The following RNF13 variants were observed in gnomAD, a reference collection of about 807,000 sequenced individuals.
RNF13 encodes the protein E3 ubiquitin-protein ligase RNF13.
RNF13 carries 19 observed loss-of-function variants against 37.7 expected under a neutral mutation model. The ratio of observed to expected loss-of-function variants is 0.50; its 90% CI spans 0.35 to 0.74. RNF13 has a LOEUF of 0.74. Ranked by LOEUF, RNF13 falls within the 30% of genes least tolerant of loss-of-function variation. The pLI is 0.01. For missense variants in RNF13, 375 were observed against 453.0 expected (o/e 0.83, Z 1.56); for synonymous variants, 144 against 157.8 (o/e 0.91, Z 0.65).
intron 3 of RNF13, among the ~76,000 whole-genome samples, chr3:149,865,177 T>TA (rs998524182): frequency 5.4e-5 from 8 of 149,410 alleles, no homozygotes; most frequent in Admixed American, 1.3e-4. Flanking sequence ...ATCTAAGAAA[T>TA]AAAAAAAAAT....
intron 5 of RNF13, among the ~76,000 whole-genome samples, chr3:149,901,033 T>A (rs1361152765): frequency 6.6e-6 from 1 of 152,170 alleles, no homozygotes; most frequent in African/African-American, 2.4e-5. Flanking sequence ...AGGGGTTGAC[T>A]GTATGAGGGA....
chr3:149,924,239 G>A (rs1296742745), intron 8 of RNF13, among the ~76,000 whole-genome samples: 1 of 152,116 alleles, frequency 6.6e-6, no homozygotes, highest in Non-Finnish European at 1.5e-5. Context: ...GCAGGTTTTA[G>A]GAGGGAAATT....
At chr3:149,892,467 A>G (rs1714811369) in intron 4 of RNF13, among the ~76,000 whole-genome samples, 1 of 152,172 alleles carries the variant, frequency 6.6e-6, no homozygotes, top group Non-Finnish European at 1.5e-5. Context: ...ACAACCGCAG[A>G]TTTAAGGACC....
chr3:149,821,244 C>T (rs545971862), intron 1 of RNF13, among the ~76,000 whole-genome samples: 1 of 152,300 alleles, frequency 6.6e-6, no homozygotes, highest in East Asian at 1.9e-4. Context: ...TGCCAAACTG[C>T]TTTCCACAGT....
intron 8 of RNF13, among the ~76,000 whole-genome samples, chr3:149,950,958 G>A (rs895543397): frequency 8.5e-5 from 13 of 152,146 alleles, no homozygotes; most frequent in Admixed American, 2.0e-4. Context: ...AGGTCAGTTA[G>A]ATTCTAAAAC....
At chr3:149,831,785 T>A (rs1721082895) in intron 1 of RNF13, among the ~76,000 whole-genome samples, 1 of 152,168 alleles carries the variant, frequency 6.6e-6, no homozygotes, top group Non-Finnish European at 1.5e-5. Context: ...AATGGACTAA[T>A]ACAGTATGTG....
chr3:149,831,247 A>T lies in RNF13; in HGVS notation c.-16-14764A>T, dbSNP rs117741290. On this transcript the variant is annotated intron_variant, in intron 1 of 9. Transcript: ENST00000392894. ...TGTTCTCCAGACTCCAGAATGGTAG[A>T]TCCACCAATGGCTTGCACCACATGC... Among the ~76,000 whole-genome samples the T allele has an allele frequency of 2.8e-4, 42 of 152,304 alleles. No individual in the cohort carries two copies. The East Asian group carries it at 7.5e-3, about 27-fold the overall frequency.
At chr3:149,877,552 TCATTA>T (rs1712891429) in intron 4 of RNF13, among the ~76,000 whole-genome samples, 1 of 151,256 alleles carries the variant, frequency 6.6e-6, no homozygotes. Context: ...GACTTACCTT[TCATTA>T]CATTATCCCC....
intron 8 of RNF13, among the ~76,000 whole-genome samples, chr3:149,946,261 A>C (rs1385285826): frequency 1.3e-5 from 2 of 152,228 alleles, no homozygotes; most frequent in African/African-American, 4.8e-5. Context: ...TGAGAACTAC[A>C]TGACAGATGC....
chr3:149,952,101 A>G (rs904636842), intron 8 of RNF13, among the ~76,000 whole-genome samples: 3 of 152,242 alleles, frequency 2.0e-5, no homozygotes, highest in Middle Eastern at 3.2e-3. Context: ...TAATTTGCTG[A>G]AAGTTCAAGT....
chr3:149,816,427 T>A (rs1719458371), intron 1 of RNF13, among the ~76,000 whole-genome samples: 1 of 152,178 alleles, frequency 6.6e-6, no homozygotes, highest in African/African-American at 2.4e-5. Context: ...CTCAATTTCC[T>A]TAACTCCTTC....
intron 3 of RNF13, among the ~76,000 whole-genome samples, chr3:149,855,563 T>A (rs1331401751): frequency 6.6e-6 from 1 of 151,162 alleles, no homozygotes; most frequent in Non-Finnish European, 1.5e-5. Context: ...TAAAAATACA[T>A]ATATACGTAT....
intron 8 of RNF13, among the ~76,000 whole-genome samples, chr3:149,945,725 G>A (rs1335632998): frequency 6.6e-6 from 1 of 152,172 alleles, no homozygotes; most frequent in African/African-American, 2.4e-5. Flanking sequence ...GAAGCTTCTG[G>A]AGGAACAATC....
intron 8 of RNF13, among the ~76,000 whole-genome samples, chr3:149,924,240 G>A (rs1044640133): frequency 3.3e-5 from 5 of 152,150 alleles, no homozygotes; most frequent in Non-Finnish European, 7.4e-5. Context: ...CAGGTTTTAG[G>A]AGGGAAATTG....
intron 6 of RNF13, 69 bp from the exon 7 acceptor site, chr3:149,911,909 C>T: frequency 1.2e-6 from 1 of 818,768 alleles, no homozygotes; most frequent in Non-Finnish European, 2.1e-6. Context: ...ATATTTTTTC[C>T]TGTTTTTAAT....
At chr3:149,843,032 G>GTTCTACATCCATGGA (rs1355453550) in intron 1 of RNF13, among the ~76,000 whole-genome samples, 7 of 152,126 alleles carry the variant, frequency 4.6e-5, no homozygotes, top group African/African-American at 1.7e-4. Flanking sequence ...GTATCCATGG[G>GTTCTACATCCATGGA]TTCTACATCC....
At chr3:149,878,320 C>T (rs1186421797) in intron 4 of RNF13, among the ~76,000 whole-genome samples, 3 of 151,812 alleles carry the variant, frequency 2.0e-5, no homozygotes, top group South Asian at 2.1e-4. Flanking sequence ...AAGATGGGAT[C>T]GAAAGAAAGA....
intron 8 of RNF13, among the ~76,000 whole-genome samples, chr3:149,944,503 C>T (rs367708139): frequency 1.8e-4 from 28 of 152,262 alleles, no homozygotes; most frequent in Non-Finnish European, 3.1e-4. Flanking sequence ...TTTTAATGAT[C>T]GCCATTCTAA....
chr3:149,895,590 C>T (rs767408232), intron 5 of RNF13, 30 bp downstream of exon 5: 2 of 1,339,696 alleles, frequency 1.5e-6, no homozygotes, highest in South Asian at 2.5e-5. Flanking sequence ...TTCTTCTCTC[C>T]TGTTTGACAG....
Sources: gnomAD v4.1 joint callset for allele counts (sites outside exome capture counted in the v4.1 genomes callset) on GRCh38, gnomAD v4.1.1 for gene constraint, MANE v1.5 for transcripts, NCBI Gene and HGNC (gene_info 2026-07-23, HGNC 2026-07-21) for gene names.